Variants in MYO16 observed in about 807,000 individuals in gnomAD.
MYO16 encodes the protein myosin XVI, also known as unconventional myosin-XVI.
In MYO16, 94 loss-of-function variants were observed where a neutral mutation model predicts 205.3. The ratio of observed to expected loss-of-function variants is 0.46; its 90% CI spans 0.39 to 0.54. MYO16 has a LOEUF of 0.54. Among genes scored for constraint, MYO16 ranks in the 20% least tolerant of loss-of-function variants. MYO16 has a pLI of 0.00. For missense variants in MYO16, 2,315 were observed against 2,387.5 expected, an observed-to-expected ratio of 0.97 and a Z score of 0.63; for synonymous variants, 988 against 954.0, an observed-to-expected ratio of 1.04 and a Z score of -0.66.
chr13:108,576,935 A>G, the MYO16 span, among the ~76,000 whole-genome samples: 1 of 151,936 alleles, frequency 6.6e-6, no homozygotes, highest in Non-Finnish European at 1.5e-5. Flanking sequence ...TAATTTTAAA[A>G]TTTTATATAG....
At chr13:109,014,814 G>C (rs1181067395) in intron 22 of MYO16, among the ~76,000 whole-genome samples, 1 of 152,216 alleles carries the variant, frequency 6.6e-6, no homozygotes, top group Non-Finnish European at 1.5e-5. Flanking sequence ...CATTGATTTT[G>C]TATCCTGAGG....
chr13:108,570,327 C>A, the MYO16 span, among the ~76,000 whole-genome samples: 1 of 152,082 alleles, frequency 6.6e-6, no homozygotes, highest in Non-Finnish European at 1.5e-5. Flanking sequence ...TAGCTCACTG[C>A]AGACTCAAAC....
At chr13:108,767,991 C>T (rs1885837723) in intron 4 of MYO16, among the ~76,000 whole-genome samples, 1 of 152,166 alleles carries the variant, frequency 6.6e-6, no homozygotes, top group Non-Finnish European at 1.5e-5. Context: ...TGACCATTTA[C>T]TGCAATGTGC....
intron 5 of MYO16, among the ~76,000 whole-genome samples, chr13:108,788,695 C>A (rs1045495491): frequency 1.6e-4 from 24 of 151,874 alleles, no homozygotes; most frequent in African/African-American, 5.1e-4. Flanking sequence ...AGTTTCTAAA[C>A]CTACAAACCC....
intron 34 of MYO16, among the ~76,000 whole-genome samples, chr13:109,184,685 C>T (rs1879607534): frequency 6.6e-6 from 1 of 152,166 alleles, no homozygotes. Context: ...CAACCTCCAC[C>T]TCCCAGGTTC....
At chr13:108,873,819 G>T (rs867933169) in intron 12 of MYO16, among the ~76,000 whole-genome samples, 24 of 152,280 alleles carry the variant, frequency 1.6e-4, no homozygotes, top group Middle Eastern at 3.4e-3. Flanking sequence ...AACCAGGACA[G>T]GGTCCATGAT....
intron 10 of MYO16, chr13:108,855,220 A>T (rs907964873): frequency 2.4e-5 from 9 of 375,692 alleles, no homozygotes; most frequent in Admixed American, 1.6e-4. Context: ...GCACCTGCAC[A>T]CTGGGGAGTA....
At chr13:108,807,787 C>A (rs1472407854) in intron 7 of MYO16, among the ~76,000 whole-genome samples, 1 of 152,034 alleles carries the variant, frequency 6.6e-6, no homozygotes, top group Non-Finnish European at 1.5e-5. Context: ...AAAGAAAAGT[C>A]TAAGTTGGTG....
intron 11 of MYO16, among the ~76,000 whole-genome samples, chr13:108,856,184 C>CTCTTTA (rs1189135339): frequency 6.8e-6 from 1 of 147,432 alleles, no homozygotes; most frequent in Non-Finnish European, 1.5e-5. Flanking sequence ...CAAAATCAAT[C>CTCTTTA]TCTTTCTCTT....
intron 2 of MYO16, among the ~76,000 whole-genome samples, chr13:108,710,209 T>C (rs2139542717): frequency 6.6e-6 from 1 of 152,332 alleles, no homozygotes. Flanking sequence ...GTGAAACAGT[T>C]AAATACTACC....
At chr13:109,017,910 A>T (rs1245995427) in intron 22 of MYO16, among the ~76,000 whole-genome samples, 4 of 152,130 alleles carry the variant, frequency 2.6e-5, no homozygotes, top group Admixed American at 2.6e-4. Context: ...GGGTTTGAAC[A>T]TCCTCTGTTA....
At chr13:108,972,878 C>G (rs1451167961) in intron 20 of MYO16, among the ~76,000 whole-genome samples, 1 of 151,414 alleles carries the variant, frequency 6.6e-6, no homozygotes, top group African/African-American at 2.4e-5. Context: ...TGGTTTTTTT[C>G]TTTTAAGAAA....
At chr13:108,742,554 A>G (rs1884942521) in intron 4 of MYO16, among the ~76,000 whole-genome samples, 2 of 152,176 alleles carry the variant, frequency 1.3e-5, no homozygotes, top group African/African-American at 4.8e-5. Flanking sequence ...TCCAACTTGT[A>G]CCACATCCAA....
At chr13:108,920,319 CTTCCTTCT>C (rs1594396500) in intron 16 of MYO16, among the ~76,000 whole-genome samples, 1 of 149,456 alleles carries the variant, frequency 6.7e-6, no homozygotes, top group East Asian at 2.0e-4. Flanking sequence ...TTTCTCCTTC[CTTCCTTCT>C]TTCCCTCCCT....
At chr13:108,803,377 T>C (rs974938375) in intron 6 of MYO16, among the ~76,000 whole-genome samples, 19 of 152,174 alleles carry the variant, frequency 1.2e-4, no homozygotes, top group African/African-American at 4.1e-4. Context: ...AAAATGAAAA[T>C]CTCAAACTTC....
chr13:108,883,132 A>G lies in MYO16; in HGVS notation c.1499A>G (p.Glu500Gly), dbSNP rs772062502. ...CCTCCTCACCTCTTCTCCTGTGTGGAGAGAGCCTTTCACCAGCTCTTCCGG... is the reference window on the plus strand; with the variant it reads ...CCTCCTCACCTCTTCTCCTGTGTGGGGAGAGCCTTTCACCAGCTCTTCCGG... Reference protein sequence around the residue: ...SLPPHLFSCVERAFHQLFREQ... With the variant: ...SLPPHLFSCVGRAFHQLFREQ... Residue 500 changes from glutamate to glycine, a missense_variant, in exon 13 of 35, where the codon GAG (glutamate) becomes GGG (glycine). By Grantham distance (98) the Glu-to-Gly change is moderately conservative. Around this residue, in one of 3 missense-constraint regions of MYO16, gnomAD observed 1,213 missense variants for 1,274.4 expected, o/e 0.95. Coordinates refer to ENST00000457511, the MANE Select transcript of MYO16 (RefSeq NM_001198950.3). The G allele has an allele frequency of 3.7e-6, 6 of 1,613,982 alleles. No individual in the cohort carries two copies. Among genetic ancestry groups the G allele is most frequent in the East Asian group, 2.2e-5 (1 of 44,874 alleles).
intron 21 of MYO16, among the ~76,000 whole-genome samples, chr13:108,998,749 G>T (rs958087978): frequency 6.6e-6 from 1 of 152,154 alleles, no homozygotes; most frequent in Non-Finnish European, 1.5e-5. Context: ...GAATCTAGAG[G>T]GTGACACTGG....
rs67321937 is a variant in MYO16 at position 109,010,957 on chromosome 13, TTATATATA to T, written c.2595+1920_2595+1927del. On this transcript the variant is annotated intron_variant, in intron 22 of 34. Transcript: ENST00000457511. ...TCTATTATATATATTACATATAATA[TTATATATA>T]TATATATATATTTCTTCACCTCCAG... Among the ~76,000 whole-genome samples, 3 of 118,570 alleles carry T rather than the reference TTATATATA, an allele frequency of 2.5e-5. No homozygotes were observed. The East Asian group carries it at 7.5e-4, about 30-fold the overall frequency. The allele number at this position is 118,570 out of a possible 152,430, so 77.8% of individuals were successfully genotyped here.
chr13:108,700,487 G>A (rs1299988973), intron 2 of MYO16, among the ~76,000 whole-genome samples: 2 of 152,094 alleles, frequency 1.3e-5, no homozygotes, highest in Non-Finnish European at 2.9e-5. Context: ...AAACCCAGCA[G>A]CCTTGCAATC....
Sources: gnomAD v4.1 joint callset for allele counts (sites outside exome capture counted in the v4.1 genomes callset) on GRCh38, gnomAD v4.1.1 for gene constraint, gnomAD v4.1.1 regional missense constraint, MANE v1.5 for transcripts, NCBI Gene and HGNC (gene_info 2026-07-23, HGNC 2026-07-21) for gene names.